KAZN: variants seen among roughly 807,000 people sequenced by gnomAD.
KAZN encodes the protein kazrin, periplakin interacting protein, also known as kazrin.
KAZN carries 40 observed loss-of-function variants against 87.4 expected under a neutral mutation model. The observed-to-expected ratio is 0.46, with a 90% CI of 0.36 to 0.60. KAZN has a LOEUF of 0.60. Ranked by LOEUF, KAZN falls within the 20% of genes least tolerant of loss-of-function variation. The probability of loss-of-function intolerance (pLI) is 0.00; values close to 1 mark genes in which losing one functional copy is unlikely to be tolerated. For synonymous variants in KAZN, 466 were observed against 458.3 expected (o/e 1.02, Z -0.22); for missense variants, 898 against 1,073.9 (o/e 0.84, Z 2.29).
At chr1:14,801,774 C>A (rs1353358677) in intron 1 of KAZN, among the ~76,000 whole-genome samples, 1 of 151,578 alleles carries the variant, frequency 6.6e-6, no homozygotes, top group African/African-American at 2.4e-5. Context: ...AGCTCTGCCT[C>A]CCGGGTTCAT....
intron 2 of KAZN, among the ~76,000 whole-genome samples, chr1:14,503,382 G>A (rs1429023217): frequency 6.6e-6 from 1 of 151,146 alleles, no homozygotes; most frequent in African/African-American, 2.4e-5. Flanking sequence ...TACTCGGGAG[G>A]CTGAGGCAGG....
intron 1 of KAZN, among the ~76,000 whole-genome samples, chr1:14,693,832 G>A (rs966488460): frequency 1.3e-5 from 2 of 152,162 alleles, no homozygotes; most frequent in African/African-American, 4.8e-5. Context: ...TGCTCTCCAG[G>A]CGCTCAGCTC....
chr1:14,338,591 TA>T, intron 2 of KAZN, among the ~76,000 whole-genome samples: 1 of 142,412 alleles, frequency 7.0e-6, no homozygotes, highest in East Asian at 2.1e-4. Flanking sequence ...TCCTCAGAAA[TA>T]AAAGAGAGGC....
chr1:14,763,941 G>T (rs929701817), intron 1 of KAZN, among the ~76,000 whole-genome samples: 1 of 151,994 alleles, frequency 6.6e-6, no homozygotes, highest in Non-Finnish European at 1.5e-5. Context: ...TAGAAACAGG[G>T]TTTCAACATG....
rs115004227 is a variant in KAZN at position 14,855,749 on chromosome 1, C to T, written c.227-104935C>T. 4.6e-3 allele frequency among the ~76,000 whole-genome samples: 707 copies of T among 152,278 alleles called. 5 individuals carry two copies. Among genetic ancestry groups the T allele is most frequent in the African/African-American group, 0.016 (655 of 41,548 alleles). ...AATCCCATTTTACAAGTGGAAATAC[C>T]GAAGCCAGACAGAGCTTGCTCAAGT... On this transcript the variant is annotated intron_variant, in intron 1 of 14. Coordinates refer to ENST00000376030, the MANE Select transcript of KAZN (RefSeq NM_201628.3).
chr1:14,414,977 G>C (rs1340238006), intron 2 of KAZN, among the ~76,000 whole-genome samples: 1 of 152,098 alleles, frequency 6.6e-6, no homozygotes, highest in East Asian at 1.9e-4. Flanking sequence ...AGTGAGCCAA[G>C]ATCACACCAC....
At chr1:14,431,556 G>A (rs557018950) in intron 2 of KAZN, among the ~76,000 whole-genome samples, 5 of 152,138 alleles carry the variant, frequency 3.3e-5, no homozygotes, top group African/African-American at 7.2e-5. Context: ...CATTTGAGTC[G>A]GTGGACTGGG....
chr1:14,793,583 G>A (rs572195664), intron 1 of KAZN, among the ~76,000 whole-genome samples: 2 of 152,168 alleles, frequency 1.3e-5, no homozygotes, highest in South Asian at 4.1e-4. Context: ...TTATTGTGAG[G>A]ATTAAGTGAG....
At chr1:13,941,488 C>A (rs547667026) in intron 1 of KAZN, among the ~76,000 whole-genome samples, 1 of 152,142 alleles carries the variant, frequency 6.6e-6, no homozygotes, top group African/African-American at 2.4e-5. Context: ...ACATCAGTAA[C>A]CCAAACCTTG....
rs556546901 is a variant in KAZN at position 14,696,664 on chromosome 1, A to G, written c.226+97441A>G. ...ACTTAAGCATGCTTCAGAGTCATCT[A>G]GAGGGTTTGATAAAACCCAAATGTC... is the stretch of plus-strand genomic sequence containing the variant. On this transcript the variant is annotated intron_variant, in intron 1 of 14. Transcript: ENST00000376030. Among the ~76,000 whole-genome samples the G allele has an allele frequency of 2.6e-5, 4 of 152,358 alleles. No homozygotes were observed. In the South Asian group the frequency reaches 6.2e-4, roughly 24 times the overall value.
intron 1 of KAZN, among the ~76,000 whole-genome samples, chr1:14,891,515 G>C (rs1654721595): frequency 6.6e-6 from 1 of 152,192 alleles, no homozygotes. Context: ...GAGTAGTAAG[G>C]AATCTGTATT....
intron 2 of KAZN, among the ~76,000 whole-genome samples, chr1:14,214,408 A>G (rs1646917510): frequency 6.6e-6 from 1 of 152,190 alleles, no homozygotes; most frequent in South Asian, 2.1e-4. Context: ...GGTGTAGTCA[A>G]TAAATATTTT....
chr1:14,004,467 A>G (rs1441160622), intron 1 of KAZN, among the ~76,000 whole-genome samples: 1 of 152,246 alleles, frequency 6.6e-6, no homozygotes, highest in Non-Finnish European at 1.5e-5. Context: ...TTAGTCCTAA[A>G]GTGAAAACAA....
At chr1:14,076,222 G>A (rs535491920) in intron 1 of KAZN, among the ~76,000 whole-genome samples, 11 of 152,032 alleles carry the variant, frequency 7.2e-5, no homozygotes, top group South Asian at 4.2e-4. Context: ...TGGAGGTTGC[G>A]GTGAGCCGAG....
Position 14,756,389 on chromosome 1 carries a change from TG to T in KAZN, c.226+157167del, listed in dbSNP as rs1557457523. On this transcript the variant is annotated intron_variant, in intron 1 of 14. Coordinates refer to ENST00000376030, the MANE Select transcript of KAZN (RefSeq NM_201628.3). Reference sequence around the variant, plus strand: ...AGCTCTAGTCTTCTGTCAGCCCCCCTGCAAAAATGGCATTTGTCTGATACCG... The same window carrying T: ...AGCTCTAGTCTTCTGTCAGCCCCCCTCAAAAATGGCATTTGTCTGATACCG... Among the ~76,000 whole-genome samples, 4 of 152,138 alleles carry T rather than the reference TG, an allele frequency of 2.6e-5. No individual in the cohort carries two copies. The South Asian group carries it at 8.3e-4, about 32-fold the overall frequency.
intron 2 of KAZN, among the ~76,000 whole-genome samples, chr1:14,180,999 G>T (rs147328155): frequency 1.3e-5 from 2 of 152,108 alleles, no homozygotes; most frequent in Non-Finnish European, 2.9e-5. Context: ...CTCCCGCCCC[G>T]CCCCAGTAAG....
At chr1:14,514,595 TTATATATATATATATATA>T (rs754845099) in intron 2 of KAZN, among the ~76,000 whole-genome samples, 909 of 66,472 alleles carry the variant, frequency 0.014, 34 homozygotes, top group Middle Eastern at 0.024. Flanking sequence ...TTTTTATATT[TTATATATATATATATATA>T]TATATATATA....
intron 2 of KAZN, among the ~76,000 whole-genome samples, chr1:14,573,304 A>C (rs1234229447): frequency 6.6e-6 from 1 of 152,206 alleles, no homozygotes; most frequent in Non-Finnish European, 1.5e-5. Context: ...ATTTTCAGGA[A>C]TCTACTTGTG....
intron 1 of KAZN, among the ~76,000 whole-genome samples, chr1:14,014,301 A>G (rs1396617005): frequency 6.6e-6 from 1 of 152,076 alleles, no homozygotes; most frequent in Non-Finnish European, 1.5e-5. Flanking sequence ...AGTCGCCTAG[A>G]CCAGGGTGCT....
Sources: allele counts gnomAD v4.1 joint callset (sites outside exome capture counted in the v4.1 genomes callset), GRCh38; gene constraint gnomAD v4.1.1; transcripts MANE v1.5; gene names NCBI Gene and HGNC (gene_info 2026-07-23, HGNC 2026-07-21).